Variants in ABCA12 observed in about 807,000 individuals in gnomAD.
ABCA12 encodes ATP binding cassette subfamily A member 12, also known as glucosylceramide transporter ABCA12.
In ABCA12, 156 loss-of-function variants were observed where a neutral mutation model predicts 293.5. The ratio of observed to expected loss-of-function variants is 0.53; its 90% CI spans 0.47 to 0.61. The LOEUF is 0.61. Ranked by LOEUF, ABCA12 falls within the 20% of genes least tolerant of loss-of-function variation. The probability of loss-of-function intolerance (pLI) is 0.00; values close to 1 mark genes in which losing one functional copy is unlikely to be tolerated. For synonymous variants in ABCA12, 1,063 were observed against 1,108.0 expected (o/e 0.96, Z 0.81); for missense variants, 2,797 against 3,090.2 (o/e 0.91, Z 2.25).
chr2:214,979,674 A>G (rs1699605065), intron 31 of ABCA12, among the ~76,000 whole-genome samples: 1 of 152,160 alleles, frequency 6.6e-6, no homozygotes, highest in Admixed American at 6.5e-5. Flanking sequence ...AGAGATTTTC[A>G]TATTATCAGT....
Position 215,000,939 on chromosome 2 carries a change from T to G in ABCA12, c.2945A>C (p.Lys982Thr), listed in dbSNP as rs142196906. ...SGNVFLPPVI[K>T]YTIRMSLKTA... ...CTTGAGACTCATCCGGATGGTATAT[T>G]TTATGACAGGAGGAAGAAAGACATT... The change falls in exon 22 of 53, where the codon AAA becomes ACA. Residue 982 changes from lysine (K) to threonine (T), a missense_variant. Lys to Thr is a moderately conservative substitution (Grantham distance 78). Coordinates refer to ENST00000272895, the MANE Select transcript of ABCA12 (RefSeq NM_173076.3). 1,063 of 1,614,024 alleles carry G rather than the reference T, an allele frequency of 6.6e-4. 3 individuals are homozygous for G. Among genetic ancestry groups the G allele is most frequent in the South Asian group, 1.0e-3 (91 of 91,074 alleles).
At chr2:215,123,750 G>GT (rs980934146) in intron 1 of ABCA12, among the ~76,000 whole-genome samples, 2 of 147,360 alleles carry the variant, frequency 1.4e-5, no homozygotes, top group African/African-American at 5.3e-5. Flanking sequence ...TTTTTGGCTT[G>GT]TTTTTTCCTT....
At chr2:214,940,380 G>T (rs1698358020) in intron 50 of ABCA12, among the ~76,000 whole-genome samples, 1 of 152,126 alleles carries the variant, frequency 6.6e-6, no homozygotes, top group South Asian at 2.1e-4. Context: ...ATTTTACTGA[G>T]GATTTTCACA....
chr2:215,034,589 A>C (rs535639338), intron 8 of ABCA12, among the ~76,000 whole-genome samples: 46 of 152,252 alleles, frequency 3.0e-4, no homozygotes, highest in African/African-American at 1.1e-3. Context: ...CCAGAAGGTA[A>C]ATGTTTAAGT....
intron 8 of ABCA12, chr2:215,032,505 G>A (rs1464684): frequency 0.97 from 148,377 of 153,706 alleles, 71,831 homozygotes; most frequent in East Asian, 1. Flanking sequence ...GTCTAATGGA[G>A]ACCACATACG....
intron 1 of ABCA12, among the ~76,000 whole-genome samples, chr2:215,132,629 C>T (rs903123426): frequency 1.3e-5 from 2 of 151,758 alleles, no homozygotes; most frequent in African/African-American, 4.8e-5. Flanking sequence ...CTGAATGCAT[C>T]TTTACTCAGT....
At chr2:215,038,142 T>C (rs972482536) in intron 7 of ABCA12, among the ~76,000 whole-genome samples, 4 of 152,152 alleles carry the variant, frequency 2.6e-5, no homozygotes, top group African/African-American at 9.7e-5. Flanking sequence ...GCCATCTGGG[T>C]AGTTCCTAGT....
chr2:215,126,205 T>C (rs58664807), intron 1 of ABCA12, among the ~76,000 whole-genome samples: 5,534 of 152,270 alleles, frequency 0.036, 341 homozygotes, highest in African/African-American at 0.13. Context: ...GCAAGTATTT[T>C]GTTAAGGATT....
intron 26 of ABCA12, among the ~76,000 whole-genome samples, chr2:214,988,828 A>T (rs1366256042): frequency 1.3e-5 from 2 of 151,858 alleles, no homozygotes; most frequent in Admixed American, 6.6e-5. Context: ...TAGCTTTGGG[A>T]TTTGAATACT....
chr2:215,005,215 A>G (rs1394950978), intron 19 of ABCA12, among the ~76,000 whole-genome samples: 1 of 152,200 alleles, frequency 6.6e-6, no homozygotes, highest in African/African-American at 2.4e-5. Context: ...AATTCTCCTA[A>G]GGACACACAA....
intron 34 of ABCA12, 98 bp from the exon 35 acceptor site, chr2:214,974,962 G>T: frequency 8.7e-7 from 1 of 1,151,278 alleles, no homozygotes; most frequent in South Asian, 1.2e-5. Flanking sequence ...TATATAGAAG[G>T]GTTTTCTTTT....
chr2:214,981,969 A>ATTTTTTTTTTT, intron 30 of ABCA12, among the ~76,000 whole-genome samples: 1 of 117,588 alleles, frequency 8.5e-6, no homozygotes, highest in Admixed American at 1.0e-4. Context: ...TATTATTATT[A>ATTTTTTTTTTT]TTATTATTAT....
At chr2:214,955,014 C>T (rs1243633031) in intron 43 of ABCA12, among the ~76,000 whole-genome samples, 188 bp downstream of exon 43, 2 of 152,112 alleles carry the variant, frequency 1.3e-5, no homozygotes, top group East Asian at 3.9e-4. Flanking sequence ...AGTTTTGACG[C>T]TCAATACATA....
intron 8 of ABCA12, chr2:215,035,872 ATTACT>A (rs1366854944): frequency 6.6e-6 from 1 of 152,118 alleles, no homozygotes. Flanking sequence ...ATGTAACTTT[ATTACT>A]TTACTTTATA....
intron 2 of ABCA12, among the ~76,000 whole-genome samples, chr2:215,066,724 C>T (rs763190323): frequency 2.0e-5 from 3 of 152,062 alleles, no homozygotes; most frequent in Non-Finnish European, 1.5e-5. Context: ...TACATGGGAT[C>T]GTGCAAATGA....
Position 214,948,746 on chromosome 2 carries a change from A to G in ABCA12, c.6963-9T>C. On this transcript the variant is annotated splice_polypyrimidine_tract_variant and intron_variant, in intron 46 of 52. Coordinates refer to ENST00000272895, the MANE Select transcript of ABCA12 (RefSeq NM_173076.3). ...CAACGTGACCCAGAGATCTGAATTG[A>G]GAGAATCAAAAACACAGATGAATTT... 6.2e-7 allele frequency: 1 copy of G among 1,614,018 alleles called. No homozygotes were observed. Among genetic ancestry groups the G allele is most frequent in the South Asian group, 1.1e-5 (1 of 91,078 alleles).
intron 2 of ABCA12, among the ~76,000 whole-genome samples, chr2:215,080,205 C>T (rs1047400962): frequency 4.6e-5 from 7 of 151,984 alleles, no homozygotes; most frequent in Admixed American, 1.3e-4. Context: ...TGATGAATTC[C>T]CTGAACTAAA....
intron 10 of ABCA12, 82 bp from the exon 11 acceptor site, chr2:215,025,861 A>C: frequency 1.1e-6 from 1 of 909,692 alleles, no homozygotes; most frequent in South Asian, 1.4e-5. Flanking sequence ...CTCTATCCTG[A>C]CTTATTACTA....
intron 2 of ABCA12, among the ~76,000 whole-genome samples, chr2:215,065,349 T>C (rs554998361): frequency 7.7e-4 from 113 of 147,372 alleles, no homozygotes; most frequent in Non-Finnish European, 1.3e-3. Context: ...AGGTCTGTTT[T>C]CATTTTAAAG....
Sources: gnomAD v4.1 joint callset for allele counts (sites outside exome capture counted in the v4.1 genomes callset) on GRCh38, gnomAD v4.1.1 for gene constraint, MANE v1.5 for transcripts, NCBI Gene and HGNC (gene_info 2026-07-23, HGNC 2026-07-21) for gene names.